The following TUSC3 variants were observed in gnomAD, a reference collection of about 807,000 sequenced individuals.
TUSC3 encodes tumor suppressor candidate 3.
A neutral mutation model predicts 44.8 loss-of-function variants in TUSC3; 45 were observed. The observed-to-expected ratio is 1.00, with a 90% confidence interval of 0.79 to 1.29. The LOEUF (loss-of-function observed/expected upper bound fraction) is 1.29. Ranked by LOEUF, TUSC3 falls within the 50% of genes most tolerant of loss-of-function variation. The pLI, the probability that TUSC3 is intolerant of heterozygous loss-of-function variation, is 0.00. For synonymous variants in TUSC3, 212 were observed against 152.9 expected (o/e 1.39, Z -2.85); for missense variants, 519 against 437.9 (o/e 1.19, Z -1.65).
At chr8:15,654,903 C>A (rs1807085470) in intron 3 of TUSC3, among the ~76,000 whole-genome samples, 1 of 152,134 alleles carries the variant, frequency 6.6e-6, no homozygotes, top group South Asian at 2.1e-4. Flanking sequence ...AACCTGAGTT[C>A]ATCTTCCATC....
intron 6 of TUSC3, among the ~76,000 whole-genome samples, chr8:15,705,147 G>T (rs539904622): frequency 2.0e-5 from 3 of 151,090 alleles, no homozygotes; most frequent in Admixed American, 2.0e-4. Flanking sequence ...CCTTCTTAAC[G>T]GCAGGAATTA....
At chr8:15,528,010 A>G (rs1801398508) in intron 2 of TUSC3, among the ~76,000 whole-genome samples, 1 of 152,230 alleles carries the variant, frequency 6.6e-6, no homozygotes, top group Non-Finnish European at 1.5e-5. Context: ...TTTAGCACAG[A>G]TAAATATTCT....
At chr8:15,757,918 C>G in intron 10 of TUSC3, 63 bp downstream of exon 10, 1 of 1,466,888 alleles carries the variant, frequency 6.8e-7, no homozygotes, top group Non-Finnish European at 9.5e-7. Context: ...GAGAGTATAA[C>G]ATTTATCTCA....
chr8:15,566,820 A>G (rs1018835038), intron 1 of TUSC3, among the ~76,000 whole-genome samples: 2 of 152,028 alleles, frequency 1.3e-5, no homozygotes, highest in African/African-American at 4.8e-5. Flanking sequence ...GTTTGTAGAG[A>G]CAGGATTTTA....
intron 8 of TUSC3, among the ~76,000 whole-genome samples, chr8:15,747,292 TTCTC>T (rs1162754146): frequency 5.3e-5 from 8 of 152,014 alleles, no homozygotes; most frequent in African/African-American, 7.2e-5. Flanking sequence ...GCTTTAATCT[TTCTC>T]TATTTTACAA....
chr8:15,671,993 A>G (rs1807968431), intron 5 of TUSC3, among the ~76,000 whole-genome samples: 1 of 152,014 alleles, frequency 6.6e-6, no homozygotes, highest in African/African-American at 2.4e-5. Flanking sequence ...AAATGAGTAA[A>G]ATAAACTGGA....
intron 1 of TUSC3, among the ~76,000 whole-genome samples, chr8:15,592,346 C>G (rs570158077): frequency 1.3e-5 from 2 of 152,130 alleles, no homozygotes. Context: ...GCACTTGATA[C>G]GGTTTGGATA....
intron 1 of TUSC3, among the ~76,000 whole-genome samples, chr8:15,596,785 A>C (rs76492480): frequency 6.6e-6 from 1 of 152,128 alleles, no homozygotes; most frequent in African/African-American, 2.4e-5. Context: ...TTGGGGTTGA[A>C]TATAGTGTTA....
intron 6 of TUSC3, among the ~76,000 whole-genome samples, chr8:15,690,463 T>C (rs1808850630): frequency 6.6e-6 from 1 of 152,212 alleles, no homozygotes; most frequent in African/African-American, 2.4e-5. Flanking sequence ...CTGTTTATGC[T>C]GTTGATAACT....
At chr8:15,559,520 C>A (rs28770555) in intron 1 of TUSC3, among the ~76,000 whole-genome samples, 1 of 141,264 alleles carries the variant, frequency 7.1e-6, no homozygotes, top group Non-Finnish European at 1.6e-5. Context: ...CTGTTAGGTC[C>A]GCTTGGTGCA....
At chr8:15,797,835 G>A in the TUSC3 span, among the ~76,000 whole-genome samples, 8 of 152,156 alleles carry the variant, frequency 5.3e-5, no homozygotes. Context: ...TGCAACATCC[G>A]CAACGGCTGA....
intron 1 of TUSC3, among the ~76,000 whole-genome samples, chr8:15,582,948 A>G (rs376947094): frequency 1.3e-5 from 2 of 152,180 alleles, no homozygotes; most frequent in East Asian, 1.9e-4. Flanking sequence ...CTCAAATTGC[A>G]ATTCTTGCTT....
At chr8:15,784,871 A>AT in the TUSC3 span, among the ~76,000 whole-genome samples, 1 of 152,116 alleles carries the variant, frequency 6.6e-6, no homozygotes, top group African/African-American at 2.4e-5. Context: ...TGTATTGTGT[A>AT]TTTTTAAAAT....
At chr8:15,474,424 G>T (rs1055474359) in intron 1 of TUSC3, among the ~76,000 whole-genome samples, 1 of 152,130 alleles carries the variant, frequency 6.6e-6, no homozygotes, top group Non-Finnish European at 1.5e-5. Context: ...TTGGAAACTG[G>T]TGAATGTCCA....
chr8:15,745,650 T>C (rs1208536691), intron 8 of TUSC3, among the ~76,000 whole-genome samples: 1 of 151,918 alleles, frequency 6.6e-6, no homozygotes, highest in Non-Finnish European at 1.5e-5. Context: ...ATGGGGTTGT[T>C]TTTTGCTTGT....
At chr8:15,540,673 T>A in intron 1 of TUSC3, 105 bp downstream of exon 1, 1 of 1,401,146 alleles carries the variant, frequency 7.1e-7, no homozygotes, top group Non-Finnish European at 9.4e-7. Context: ...GTCGCCGGCG[T>A]GGGCGATGCC....
intron 2 of TUSC3, among the ~76,000 whole-genome samples, chr8:15,495,157 A>G (rs984186211): frequency 1.3e-5 from 2 of 151,852 alleles, no homozygotes; most frequent in Non-Finnish European, 2.9e-5. Context: ...TCAACCGCTG[A>G]TGAGCATTTA....
At chr8:15,726,828 G>T (rs957179386) in intron 6 of TUSC3, among the ~76,000 whole-genome samples, 2 of 151,976 alleles carry the variant, frequency 1.3e-5, no homozygotes, top group African/African-American at 4.8e-5. Context: ...AAAAAGAAAA[G>T]AAATATTCAA....
At chr8:15,541,327 A>G (rs1366161918) in intron 1 of TUSC3, among the ~76,000 whole-genome samples, 1 of 152,240 alleles carries the variant, frequency 6.6e-6, no homozygotes, top group Non-Finnish European at 1.5e-5. Context: ...ATTATCCATC[A>G]TGGATAGTTG....
Sources: allele counts gnomAD v4.1 joint callset (sites outside exome capture counted in the v4.1 genomes callset), GRCh38; gene constraint gnomAD v4.1.1; transcripts MANE v1.5; gene names NCBI Gene and HGNC (gene_info 2026-07-23, HGNC 2026-07-21).